Variants in PREX1 observed in about 807,000 individuals in gnomAD.
The protein encoded by PREX1 is phosphatidylinositol-3,4,5-trisphosphate dependent Rac exchange factor 1, also known as phosphatidylinositol 3,4,5-trisphosphate-dependent Rac exchanger 1 protein.
A neutral mutation model predicts 198.3 loss-of-function variants in PREX1; 41 were observed. The observed-to-expected ratio is 0.21, with a 90% confidence interval of 0.16 to 0.27. PREX1 has a LOEUF of 0.27. Ranked by LOEUF, PREX1 falls within the 10% of genes least tolerant of loss-of-function variation. The pLI is 1.00. For synonymous variants in PREX1, 843 were observed against 887.2 expected (o/e 0.95, Z 0.89); for missense variants, 1,620 against 2,200.7 (o/e 0.74, Z 5.28).
intron 1 of PREX1, among the ~76,000 whole-genome samples, chr20:48,748,843 A>C (rs1328146700): frequency 6.6e-6 from 1 of 152,214 alleles, no homozygotes; most frequent in Non-Finnish European, 1.5e-5. Flanking sequence ...GTTTTTAATG[A>C]AGCCAGAAAT....
the PREX1 span, among the ~76,000 whole-genome samples, chr20:48,835,151 G>A: frequency 2.6e-4 from 39 of 152,330 alleles, no homozygotes; most frequent in African/African-American, 8.9e-4. Context: ...GCCATGCCAA[G>A]CCACTGCCCA....
Position 48,642,436 on chromosome 20 carries a change from G to A in PREX1, c.3655C>T (p.His1219Tyr). 5.6e-6 allele frequency: 9 copies of A among 1,613,650 alleles called. No homozygotes were observed. The highest frequency in any genetic ancestry group is 7.6e-6 in the Non-Finnish European group (9 of 1,179,630). ...RIPSDKQDKLHGCLEHLFNQV... is the reference protein window; with the variant it reads ...RIPSDKQDKLYGCLEHLFNQV... ...TTAAAGAGGTGCTCCAGGCAGCCAT[G>A]AAGCTTGTCCTGCTTGTCAGATGGG... The change falls in exon 28 of 40, where the codon CAT becomes TAT. Residue 1219 changes from histidine (H) to tyrosine (Y), a missense_variant. Physicochemically the swap from His to Tyr is moderately conservative, Grantham distance 83. Coordinates refer to ENST00000371941, the MANE Select transcript of PREX1 (RefSeq NM_020820.4).
At chr20:48,724,687 T>G (rs1463439281) in intron 5 of PREX1, among the ~76,000 whole-genome samples, 1 of 152,264 alleles carries the variant, frequency 6.6e-6, no homozygotes, top group Non-Finnish European at 1.5e-5. Context: ...CCATGGGCTA[T>G]ATTTGGCCCA....
chr20:48,809,006 C>T (rs542623811), intron 1 of PREX1, among the ~76,000 whole-genome samples: 1 of 152,322 alleles, frequency 6.6e-6, no homozygotes, highest in East Asian at 1.9e-4. Context: ...GTCAGGGAAC[C>T]TTTCTGAGCC....
intron 1 of PREX1, among the ~76,000 whole-genome samples, chr20:48,780,046 A>G (rs1437532068): frequency 6.6e-6 from 1 of 152,208 alleles, no homozygotes; most frequent in Non-Finnish European, 1.5e-5. Context: ...AAAATTTCAC[A>G]CTGGGTATCA....
intron 5 of PREX1, 52 bp downstream of exon 5, chr20:48,726,238 T>G: frequency 6.8e-7 from 1 of 1,479,900 alleles, no homozygotes; most frequent in Non-Finnish European, 9.4e-7. Flanking sequence ...AAATTTTATG[T>G]TATGCTGAAG....
At chr20:48,688,058 G>C (rs879383356) in intron 10 of PREX1, among the ~76,000 whole-genome samples, 2 of 151,440 alleles carry the variant, frequency 1.3e-5, no homozygotes, top group Non-Finnish European at 2.9e-5. Context: ...AGCCACACCA[G>C]TTTTGTGCAC....
At chr20:48,844,393 C>A in the PREX1 span, among the ~76,000 whole-genome samples, 1 of 152,130 alleles carries the variant, frequency 6.6e-6, no homozygotes, top group South Asian at 2.1e-4. Flanking sequence ...CCCCTTCTCC[C>A]TATTGAAACC....
the PREX1 span, among the ~76,000 whole-genome samples, chr20:48,857,484 C>G: frequency 6.6e-6 from 1 of 152,170 alleles, no homozygotes; most frequent in Non-Finnish European, 1.5e-5. Context: ...GAGTTTGAAC[C>G]TGCAATGAGC....
chr20:48,716,049 CAA>C (rs1473469163), intron 5 of PREX1, among the ~76,000 whole-genome samples: 2 of 152,160 alleles, frequency 1.3e-5, no homozygotes, highest in Non-Finnish European at 2.9e-5. Context: ...TCTTAGAACA[CAA>C]AGTGTCTAAG....
At chr20:48,813,054 C>T (rs1272287224) in intron 1 of PREX1, among the ~76,000 whole-genome samples, 1 of 152,174 alleles carries the variant, frequency 6.6e-6, no homozygotes. Context: ...CCTAGGGAGC[C>T]GGCTCCACAC....
At position 48,645,979 on chromosome 20, in the gene PREX1, G is replaced by A. The variant is rs780526667; in HGVS notation, c.3384C>T (p.Pro1128=). 4 of 1,614,192 alleles carry A rather than the reference G, an allele frequency of 2.5e-6. No individual in the cohort carries two copies. In the Admixed American group the frequency reaches 6.7e-5, roughly 27 times the overall value. Residue 1128 remains proline, a synonymous_variant, in exon 26 of 40, where the codon CCC becomes CCT. Transcript: ENST00000371941. ...CCATCTCGCTCTCTTCACTGACCAG[G>A]GGCAGGGAGGAGGCCTCCTCAGCCA... ...ASLAEEASSL[P]LVSEESEMDR... is the part of the protein sequence containing the mutation.
At position 48,827,720 on chromosome 20, in the gene PREX1, C is replaced by T; in HGVS notation, c.141G>A (p.Leu47=). ...CAAARESERQ[L]RLRLCVLNEI... is the part of the protein sequence containing the mutation. ...CGTTGAGGACGCAGAGGCGGAGGCG[C>T]AGCTGGCGCTCGGACTCCCGGGCGG... Residue 47 remains leucine, a synonymous_variant, in exon 1 of 40, where the codon CTG becomes CTA. Transcript: ENST00000371941. This position sits in a 1 kb window ranked among gnomAD's most constrained non-coding sequence, Gnocchi z 4.1. 1 of 1,356,516 alleles carries T rather than the reference C, an allele frequency of 7.4e-7. No individual in the cohort carries two copies. Among genetic ancestry groups the T allele is most frequent in the Non-Finnish European group, 9.6e-7 (1 of 1,040,168 alleles). The allele number at this position is 1,356,516 out of a possible 1,614,324, so 84.0% of individuals were successfully genotyped here.
intron 1 of PREX1, among the ~76,000 whole-genome samples, chr20:48,817,813 T>C (rs1386207759): frequency 6.6e-6 from 1 of 152,186 alleles, no homozygotes; most frequent in Non-Finnish European, 1.5e-5. Context: ...GCAATTTTTT[T>C]CATTCAAAAA....
intron 5 of PREX1, among the ~76,000 whole-genome samples, chr20:48,710,869 CCAGCGGAGCTG>C: frequency 6.6e-6 from 1 of 152,332 alleles, no homozygotes; most frequent in African/African-American, 2.4e-5. Context: ...AGCAGGGAGG[CCAGCGGAGCTG>C]CAGCAGAGCA....
At position 48,629,301 on chromosome 20, in the gene PREX1, T is replaced by A. The variant is rs967337887; in HGVS notation, c.4766+148A>T. Reference sequence around the variant, plus strand: ...CATTCCGTTTCACAGACAGACAAACTGAGGTGCAGACAGAGCCAAGGCTCT... The same window carrying A: ...CATTCCGTTTCACAGACAGACAAACAGAGGTGCAGACAGAGCCAAGGCTCT... On this transcript the variant is annotated intron_variant, in intron 37 of 39. Coordinates refer to ENST00000371941, the MANE Select transcript of PREX1 (RefSeq NM_020820.4). 3.6e-6 allele frequency: 4 copies of A among 1,117,640 alleles called. No individual in the cohort carries two copies. The African/African-American group carries it at 6.2e-5, about 17-fold the overall frequency. 69.2% of individuals were successfully genotyped at this position (1,117,640 alleles called of 1,614,324 possible). A position where few individuals can be genotyped will look rare whatever the true frequency, so the allele number is the denominator to read the frequency against.
chr20:48,885,759 A>G, the PREX1 span, among the ~76,000 whole-genome samples: 17 of 152,200 alleles, frequency 1.1e-4, no homozygotes, highest in African/African-American at 3.9e-4. Flanking sequence ...GTGGAAAGAC[A>G]TGGAGGAAAC....
At chr20:48,797,173 C>T (rs1311161192) in intron 1 of PREX1, among the ~76,000 whole-genome samples, 1 of 152,048 alleles carries the variant, frequency 6.6e-6, no homozygotes, top group African/African-American at 2.4e-5. Context: ...CTATCATCCC[C>T]CTTTACCAGA....
the PREX1 span, among the ~76,000 whole-genome samples, chr20:48,847,004 G>T: frequency 2.6e-5 from 4 of 152,136 alleles, no homozygotes; most frequent in Non-Finnish European, 4.4e-5. Flanking sequence ...CCCTCCAGGG[G>T]CTAGGAGGTC....
Sources: gnomAD v4.1 joint callset for allele counts (sites outside exome capture counted in the v4.1 genomes callset) on GRCh38, gnomAD v4.1.1 for gene constraint, Gnocchi (gnomAD v3.1) non-coding constraint, MANE v1.5 for transcripts, NCBI Gene and HGNC (gene_info 2026-07-23, HGNC 2026-07-21) for gene names.